CPNE4: variants seen among roughly 807,000 people sequenced by gnomAD.
CPNE4 encodes the protein copine 4, also known as copine-4.
A neutral mutation model predicts 67.9 loss-of-function variants in CPNE4; 25 were observed. That is an observed-to-expected ratio of 0.37 (90% CI 0.27 to 0.51). CPNE4 has a LOEUF of 0.51. CPNE4 is among the 20% of genes least tolerant of loss of function. The probability of loss-of-function intolerance (pLI) is 0.93; values close to 1 mark genes in which losing one functional copy is unlikely to be tolerated. For synonymous variants in CPNE4, 242 were observed against 244.9 expected (o/e 0.99, Z 0.11); for missense variants, 464 against 690.8 (o/e 0.67, Z 3.68).
intron 1 of CPNE4, among the ~76,000 whole-genome samples, chr3:132,022,701 G>A (rs2074023944): frequency 6.6e-6 from 1 of 152,174 alleles, no homozygotes; most frequent in African/African-American, 2.4e-5. Context: ...GTGGTGAGTT[G>A]TGCCTGATGT....
chr3:132,000,346 G>A (rs1270496596), intron 1 of CPNE4, among the ~76,000 whole-genome samples: 1 of 151,938 alleles, frequency 6.6e-6, no homozygotes, highest in East Asian at 1.9e-4. Flanking sequence ...TACTTACTAT[G>A]TGCTAAGCTG....
At chr3:131,795,597 T>C (rs2083897949) in intron 2 of CPNE4, among the ~76,000 whole-genome samples, 1 of 152,190 alleles carries the variant, frequency 6.6e-6, no homozygotes, top group East Asian at 1.9e-4. Context: ...CATTTCTTCC[T>C]GATAAGAGAC....
intron 2 of CPNE4, among the ~76,000 whole-genome samples, chr3:131,855,346 A>G (rs2086398817): frequency 6.6e-6 from 1 of 151,952 alleles, no homozygotes; most frequent in Non-Finnish European, 1.5e-5. Flanking sequence ...TGTGCCCACT[A>G]AGGTTGGATT....
chr3:131,584,469 T>C (rs1354096924), intron 8 of CPNE4, among the ~76,000 whole-genome samples: 1 of 152,152 alleles, frequency 6.6e-6, no homozygotes, highest in African/African-American at 2.4e-5. Context: ...CAACAAACCT[T>C]GTAGCTCATA....
At chr3:131,789,462 C>T (rs1390390543) in intron 2 of CPNE4, among the ~76,000 whole-genome samples, 1 of 152,138 alleles carries the variant, frequency 6.6e-6, no homozygotes, top group Non-Finnish European at 1.5e-5. Context: ...GCTCTGCTAC[C>T]ACTAGTTGTG....
At chr3:131,890,433 G>C (rs1210960075) in intron 2 of CPNE4, among the ~76,000 whole-genome samples, 1 of 140,750 alleles carries the variant, frequency 7.1e-6, no homozygotes, top group Non-Finnish European at 1.6e-5. Flanking sequence ...TTTTTTTTTA[G>C]AAAAAAAAAA....
intron 10 of CPNE4, among the ~76,000 whole-genome samples, chr3:131,568,474 G>T (rs1283835983): frequency 6.6e-6 from 1 of 152,002 alleles, no homozygotes; most frequent in African/African-American, 2.4e-5. Flanking sequence ...CTGAATACCG[G>T]TGAGCTCGCA....
intron 1 of CPNE4, among the ~76,000 whole-genome samples, chr3:131,930,663 T>C (rs771035398): frequency 1.3e-5 from 2 of 152,124 alleles, no homozygotes; most frequent in Non-Finnish European, 2.9e-5. Context: ...TAGTAATTGC[T>C]CAGTGAATAG....
chr3:131,981,314 G>A (rs372601732), intron 1 of CPNE4, among the ~76,000 whole-genome samples: 7 of 152,112 alleles, frequency 4.6e-5, no homozygotes, highest in African/African-American at 1.2e-4. Flanking sequence ...CCATCAGGTG[G>A]GGGTGGGGCT....
chr3:131,741,212 A>G (rs571629809), intron 2 of CPNE4, among the ~76,000 whole-genome samples: 2 of 152,298 alleles, frequency 1.3e-5, no homozygotes, highest in African/African-American at 4.8e-5. Flanking sequence ...AAATGACAAC[A>G]GTATTTAAAA....
chr3:131,948,959 G>C (rs1185056538), intron 1 of CPNE4, among the ~76,000 whole-genome samples: 2 of 152,330 alleles, frequency 1.3e-5, no homozygotes, highest in Non-Finnish European at 2.9e-5. Flanking sequence ...AGGTTTTGCT[G>C]TCAGATTAAC....
At chr3:131,998,230 A>C (rs1044917237) in intron 1 of CPNE4, among the ~76,000 whole-genome samples, 2 of 152,172 alleles carry the variant, frequency 1.3e-5, no homozygotes, top group Non-Finnish European at 2.9e-5. Flanking sequence ...ATGCAGCTGC[A>C]GGCATCCTGG....
chr3:131,650,223 A>G lies in CPNE4; in HGVS notation c.681+19452T>C, dbSNP rs76855733. Reference sequence around the variant, plus strand: ...TTAATTACATCTTCACCTCTTCCATACAACCATATATGACATAAAAAATAA... The same window carrying G: ...TTAATTACATCTTCACCTCTTCCATGCAACCATATATGACATAAAAAATAA... On this transcript the variant is annotated intron_variant, in intron 7 of 15. Transcript: ENST00000429747. 8.6e-3 allele frequency among the ~76,000 whole-genome samples: 1,306 copies of G among 152,278 alleles called. 17 individuals carry two copies. The highest frequency in any genetic ancestry group is 0.03 in the African/African-American group (1,235 of 41,550).
At chr3:131,996,062 T>C (rs538326281) in intron 1 of CPNE4, among the ~76,000 whole-genome samples, 1 of 152,180 alleles carries the variant, frequency 6.6e-6, no homozygotes, top group Non-Finnish European at 1.5e-5. Context: ...TTTAAAAAAA[T>C]ATATGCTGTT....
At chr3:131,555,427 C>T in intron 12 of CPNE4, 70 bp downstream of exon 12, 1 of 1,386,414 alleles carries the variant, frequency 7.2e-7, no homozygotes, top group South Asian at 1.2e-5. Context: ...TGTGAGACTG[C>T]TGCAAAGAAG....
At chr3:131,640,802 C>T (rs1322669320) in intron 7 of CPNE4, among the ~76,000 whole-genome samples, 2 of 151,992 alleles carry the variant, frequency 1.3e-5, no homozygotes, top group African/African-American at 2.4e-5. Context: ...AAGCATGGTA[C>T]TAGTATAAAA....
chr3:131,849,218 T>G (rs188042885), intron 2 of CPNE4, among the ~76,000 whole-genome samples: 1 of 152,282 alleles, frequency 6.6e-6, no homozygotes, highest in Admixed American at 6.5e-5. Context: ...TCCATGTCAC[T>G]TCCTTTGTCC....
chr3:131,885,575 T>G (rs2087850021), intron 2 of CPNE4, among the ~76,000 whole-genome samples: 1 of 152,030 alleles, frequency 6.6e-6, no homozygotes, highest in Admixed American at 6.6e-5. Flanking sequence ...AGTTTTAGGG[T>G]ACATGTGCAC....
intron 2 of CPNE4, among the ~76,000 whole-genome samples, chr3:131,862,730 G>T: frequency 6.6e-6 from 1 of 150,590 alleles, no homozygotes. Flanking sequence ...TATTATACTT[G>T]AAGTTTTAAG....
Sources: allele counts gnomAD v4.1 joint callset (sites outside exome capture counted in the v4.1 genomes callset), GRCh38; gene constraint gnomAD v4.1.1; transcripts MANE v1.5; gene names NCBI Gene and HGNC (gene_info 2026-07-23, HGNC 2026-07-21).